Variants in NAV2 observed in about 807,000 individuals in gnomAD.
The protein encoded by NAV2 is helicase, APC down-regulated 1.
NAV2 carries 54 observed loss-of-function variants against 223.2 expected under a neutral mutation model. That is an observed-to-expected ratio of 0.24 (90% CI 0.19 to 0.30). The LOEUF (loss-of-function observed/expected upper bound fraction) is 0.30, where lower values mean the gene tolerates loss of function less well. NAV2 is among the 10% of genes least tolerant of loss of function. NAV2 has a pLI of 1.00. For missense variants in NAV2, 2,806 were observed against 3,147.5 expected (o/e 0.89, Z 2.60); for synonymous variants, 1,279 against 1,239.3 (o/e 1.03, Z -0.67).
At chr11:19,555,738 C>G (rs1478161589) in intron 1 of NAV2, among the ~76,000 whole-genome samples, 1 of 152,080 alleles carries the variant, frequency 6.6e-6, no homozygotes, top group Non-Finnish European at 1.5e-5. Context: ...CTGAAGACCC[C>G]AAGAAGATGC....
At chr11:19,672,761 C>T (rs1039548087) in intron 1 of NAV2, among the ~76,000 whole-genome samples, 3 of 152,234 alleles carry the variant, frequency 2.0e-5, no homozygotes, top group Admixed American at 6.5e-5. Context: ...GGCCCATGGG[C>T]AGGTTGAGTG....
At chr11:19,841,978 C>T (rs2060537395) in intron 2 of NAV2, among the ~76,000 whole-genome samples, 1 of 152,146 alleles carries the variant, frequency 6.6e-6, no homozygotes, top group Non-Finnish European at 1.5e-5. Context: ...CCAAAGAGGT[C>T]GAGTGACATG....
chr11:19,702,201 C>T (rs936673632), intron 1 of NAV2, among the ~76,000 whole-genome samples: 1 of 152,146 alleles, frequency 6.6e-6, no homozygotes, highest in Admixed American at 6.5e-5. Flanking sequence ...CTGTGGGATC[C>T]GCTTCCCTGG....
chr11:19,597,031 T>C (rs954362108), intron 1 of NAV2, among the ~76,000 whole-genome samples: 17 of 152,180 alleles, frequency 1.1e-4, no homozygotes, highest in African/African-American at 3.9e-4. Flanking sequence ...CTTTGCTGTA[T>C]TGCATGCAAG....
intron 1 of NAV2, among the ~76,000 whole-genome samples, chr11:19,757,605 AAG>A (rs968748904): frequency 9.2e-5 from 14 of 152,152 alleles, no homozygotes; most frequent in African/African-American, 3.4e-4. Flanking sequence ...AGCATGAACT[AAG>A]AGGATTTCTG....
At chr11:19,942,075 AG>A (rs1344534383) in intron 8 of NAV2, among the ~76,000 whole-genome samples, 2 of 152,244 alleles carry the variant, frequency 1.3e-5, no homozygotes, top group Non-Finnish European at 2.9e-5. Context: ...GGCAAGGTCC[AG>A]ATCGCTACAG....
chr11:19,580,935 T>G (rs1461624023), intron 1 of NAV2, among the ~76,000 whole-genome samples: 1 of 152,262 alleles, frequency 6.6e-6, no homozygotes, highest in Non-Finnish European at 1.5e-5. Context: ...ATACTCATCC[T>G]ATCCTACATT....
At chr11:19,853,361 G>A (rs903949298) in intron 3 of NAV2, among the ~76,000 whole-genome samples, 6 of 152,214 alleles carry the variant, frequency 3.9e-5, no homozygotes, top group African/African-American at 1.4e-4. Flanking sequence ...GTTAATAGGA[G>A]GGAATCCTTT....
intron 1 of NAV2, among the ~76,000 whole-genome samples, chr11:19,776,771 T>C (rs949927416): frequency 6.6e-6 from 1 of 151,660 alleles, no homozygotes; most frequent in Non-Finnish European, 1.5e-5. Context: ...GTGAGTTCTG[T>C]GCAGAAAGAA....
At chr11:20,096,629 T>C (rs2061289249) in intron 30 of NAV2, among the ~76,000 whole-genome samples, 1 of 152,244 alleles carries the variant, frequency 6.6e-6, no homozygotes, top group Non-Finnish European at 1.5e-5. Context: ...CTAACTTAAC[T>C]ATTATGTTGG....
At chr11:19,787,536 T>A (rs1030037842) in intron 1 of NAV2, among the ~76,000 whole-genome samples, 4 of 152,182 alleles carry the variant, frequency 2.6e-5, no homozygotes, top group Non-Finnish European at 5.9e-5. Context: ...AAGAACTTGA[T>A]ACAAATCATT....
At chr11:19,605,525 A>C (rs2046452727) in intron 1 of NAV2, among the ~76,000 whole-genome samples, 1 of 151,088 alleles carries the variant, frequency 6.6e-6, no homozygotes, top group Non-Finnish European at 1.5e-5. Context: ...AACAATTTCT[A>C]AATATTATTT....
intron 1 of NAV2, among the ~76,000 whole-genome samples, chr11:19,381,271 G>A (rs917181455): frequency 6.6e-6 from 1 of 152,150 alleles, no homozygotes; most frequent in Non-Finnish European, 1.5e-5. Flanking sequence ...TGGACTTGGA[G>A]CTTTGTGAAG....
intron 1 of NAV2, among the ~76,000 whole-genome samples, chr11:19,750,021 A>G (rs1370946696): frequency 6.6e-6 from 1 of 152,226 alleles, no homozygotes; most frequent in Admixed American, 6.5e-5. Context: ...TCTAATGAGG[A>G]CATTGGAAGC....
chr11:19,481,375 A>G (rs538669246), intron 1 of NAV2, among the ~76,000 whole-genome samples: 1 of 152,274 alleles, frequency 6.6e-6, no homozygotes, highest in East Asian at 1.9e-4. Flanking sequence ...ACCCCAGGTG[A>G]GGACATCTAT....
chr11:19,684,759 C>T (rs1029283214), intron 1 of NAV2, among the ~76,000 whole-genome samples: 11 of 152,128 alleles, frequency 7.2e-5, no homozygotes, highest in African/African-American at 2.7e-4. Context: ...CCAGCCCTTC[C>T]GGGATGATTG....
intron 1 of NAV2, among the ~76,000 whole-genome samples, chr11:19,594,680 TAGAG>T (rs1223737415): frequency 6.6e-6 from 1 of 152,088 alleles, no homozygotes; most frequent in Non-Finnish European, 1.5e-5. Context: ...ATAGATTAAA[TAGAG>T]AGGAGAGGTG....
chr11:19,672,434 G>T lies in NAV2; in HGVS notation c.76-160050G>T, dbSNP rs1590068036. ...TTCCTCAGCTTGGGTTCTATTCCTG[G>T]CTCTGCCACCAACTGACCTTGGTTG... On this transcript the variant is annotated intron_variant, in intron 1 of 37. Coordinates refer to the NAV2 transcript ENST00000360655. Among the ~76,000 whole-genome samples the T allele has an allele frequency of 2.0e-5, 3 of 152,230 alleles. No homozygotes were observed. In the South Asian group the frequency reaches 6.2e-4, roughly 32 times the overall value.
chr11:19,603,090 G>A (rs1195666620), intron 1 of NAV2, among the ~76,000 whole-genome samples: 2 of 152,210 alleles, frequency 1.3e-5, no homozygotes, highest in African/African-American at 4.8e-5. Context: ...CTGAGGTTAC[G>A]TAGGACCAGA....
Sources: gnomAD v4.1 joint callset for allele counts (sites outside exome capture counted in the v4.1 genomes callset) on GRCh38, gnomAD v4.1.1 for gene constraint, MANE v1.5 for transcripts, NCBI Gene and HGNC (gene_info 2026-07-23, HGNC 2026-07-21) for gene names.